The following CLVS1 variants were observed in gnomAD, a reference collection of about 807,000 sequenced individuals.
The protein encoded by CLVS1 is clavesin 1, also known as clavesin-1.
In CLVS1, 10 loss-of-function variants were observed where a neutral mutation model predicts 33.1. The observed-to-expected ratio is 0.30, with a 90% CI of 0.19 to 0.51. The LOEUF is 0.51. Ranked by LOEUF, CLVS1 falls within the 20% of genes least tolerant of loss-of-function variation. The pLI, the probability that CLVS1 is intolerant of heterozygous loss-of-function variation, is 0.97. For missense variants in CLVS1, 343 were observed against 433.4 expected (o/e 0.79, Z 1.85); for synonymous variants, 163 against 166.1 (o/e 0.98, Z 0.14).
At chr8:61,207,843 G>A (rs189237410) in intron 2 of CLVS1, among the ~76,000 whole-genome samples, 24 of 152,302 alleles carry the variant, frequency 1.6e-4, no homozygotes, top group African/African-American at 5.8e-4. Context: ...CACAGGGAGG[G>A]CAGGTGAAGA....
intron 2 of CLVS1, among the ~76,000 whole-genome samples, chr8:61,133,134 G>A (rs10093561): frequency 0.18 from 27,178 of 152,176 alleles, 2,681 homozygotes; most frequent in African/African-American, 0.22. Context: ...TCTGCCTGGT[G>A]GGGGACACCA....
At chr8:61,451,812 CAGAG>C (rs71257362) in intron 3 of CLVS1, among the ~76,000 whole-genome samples, 4,511 of 142,724 alleles carry the variant, frequency 0.032, 96 homozygotes, top group African/African-American at 0.063. Flanking sequence ...CACACACACA[CAGAG>C]AGAGAGAGAG....
chr8:61,477,893 G>T (rs1053091406), intron 5 of CLVS1, among the ~76,000 whole-genome samples: 2 of 151,850 alleles, frequency 1.3e-5, no homozygotes, highest in Non-Finnish European at 2.9e-5. Context: ...GTGATGTTAG[G>T]GTGTCAATTT....
the CLVS1 span, among the ~76,000 whole-genome samples, chr8:60,976,003 C>T: frequency 6.6e-6 from 1 of 152,222 alleles, no homozygotes. Flanking sequence ...CCCAATGTTT[C>T]TCTTGATCAA....
chr8:60,986,166 A>C, the CLVS1 span, among the ~76,000 whole-genome samples: 1 of 152,242 alleles, frequency 6.6e-6, no homozygotes, highest in Non-Finnish European at 1.5e-5. Context: ...AAGGATGGAC[A>C]GCTGTCACAG....
At chr8:61,091,779 A>G (rs1805254808) in intron 1 of CLVS1, among the ~76,000 whole-genome samples, 2 of 152,216 alleles carry the variant, frequency 1.3e-5, no homozygotes, top group African/African-American at 4.8e-5. Context: ...AAAAAAACTA[A>G]CAATGACACA....
intron 2 of CLVS1, among the ~76,000 whole-genome samples, chr8:61,275,162 C>T (rs1809537259): frequency 6.6e-6 from 1 of 152,054 alleles, no homozygotes; most frequent in African/African-American, 2.4e-5. Context: ...TTGGCCTGGC[C>T]TACAGATTGC....
intron 1 of CLVS1, among the ~76,000 whole-genome samples, chr8:61,127,246 C>T (rs544501774): frequency 6.7e-6 from 1 of 149,530 alleles, no homozygotes; most frequent in Non-Finnish European, 1.5e-5. Context: ...TGGAGTTTCG[C>T]TCTTGTTGCC....
At chr8:61,016,663 G>A in the CLVS1 span, among the ~76,000 whole-genome samples, 3 of 152,240 alleles carry the variant, frequency 2.0e-5, no homozygotes, top group African/African-American at 4.8e-5. Flanking sequence ...AACTGCATGT[G>A]CATACATAAG....
intron 1 of CLVS1, among the ~76,000 whole-genome samples, chr8:61,062,481 C>T (rs760939180): frequency 2.6e-5 from 4 of 152,062 alleles, no homozygotes; most frequent in African/African-American, 9.7e-5. Flanking sequence ...GGAAGACCAC[C>T]CTACGTTCCT....
chr8:61,249,198 G>C (rs1417148837), intron 2 of CLVS1, among the ~76,000 whole-genome samples: 1 of 152,054 alleles, frequency 6.6e-6, no homozygotes, highest in Non-Finnish European at 1.5e-5. Context: ...GTGTTAATTT[G>C]CTGAGAATTA....
the CLVS1 span, among the ~76,000 whole-genome samples, chr8:61,007,833 G>T: frequency 2.6e-5 from 4 of 152,176 alleles, no homozygotes; most frequent in Non-Finnish European, 5.9e-5. Flanking sequence ...AAGGGGGAGG[G>T]AAGGAGCAGT....
chr8:61,261,315 T>C (rs1809198670), intron 2 of CLVS1, among the ~76,000 whole-genome samples: 1 of 152,216 alleles, frequency 6.6e-6, no homozygotes, highest in Non-Finnish European at 1.5e-5. Context: ...CATTATTTTA[T>C]AATCTCAAAT....
chr8:61,377,373 G>C (rs571637512), intron 3 of CLVS1: 1 of 152,316 alleles, frequency 6.6e-6, no homozygotes, highest in Non-Finnish European at 1.5e-5. Flanking sequence ...GGGATTCTAT[G>C]AGAAGTAACT....
At chr8:61,161,659 G>C (rs1806754723) in intron 2 of CLVS1, among the ~76,000 whole-genome samples, 1 of 152,186 alleles carries the variant, frequency 6.6e-6, no homozygotes. Flanking sequence ...GGGAAGAAAA[G>C]ATGTTGGTCA....
the CLVS1 span, among the ~76,000 whole-genome samples, chr8:60,969,596 T>G: frequency 6.6e-6 from 1 of 152,162 alleles, no homozygotes; most frequent in Non-Finnish European, 1.5e-5. Flanking sequence ...TTCTCTGGGA[T>G]CCCCTTGGCC....
chr8:61,303,621 C>T (rs1015842194), intron 2 of CLVS1, among the ~76,000 whole-genome samples: 2 of 152,198 alleles, frequency 1.3e-5, no homozygotes, highest in African/African-American at 4.8e-5. Flanking sequence ...AATGACAAGG[C>T]TATTCCATTG....
chr8:61,467,119 A>T (rs535653998), intron 5 of CLVS1, among the ~76,000 whole-genome samples: 8 of 152,130 alleles, frequency 5.3e-5, no homozygotes, highest in Non-Finnish European at 1.0e-4. Context: ...CTGGTGATAA[A>T]CCTCATGTAA....
chr8:61,081,069 A>G (rs11989067), intron 1 of CLVS1, among the ~76,000 whole-genome samples: 11,503 of 152,286 alleles, frequency 0.076, 482 homozygotes, highest in Middle Eastern at 0.13. Flanking sequence ...AATTAAGATT[A>G]AAAATTGGTC....
Sources: allele counts gnomAD v4.1 joint callset (sites outside exome capture counted in the v4.1 genomes callset), GRCh38; gene constraint gnomAD v4.1.1; transcripts MANE v1.5; gene names NCBI Gene and HGNC (gene_info 2026-07-23, HGNC 2026-07-21).